FAT1: variants seen among roughly 807,000 people sequenced by gnomAD.
FAT1 encodes FAT atypical cadherin 1, also known as protocadherin Fat 1.
Under a neutral mutation model 329.8 loss-of-function variants are expected in FAT1, and 171 were observed. The observed-to-expected ratio is 0.52, with a 90% confidence interval of 0.46 to 0.59. FAT1 has a LOEUF of 0.59. Ranked by LOEUF, FAT1 falls within the 20% of genes least tolerant of loss-of-function variation. The probability of loss-of-function intolerance (pLI) is 0.00; values close to 1 mark genes in which losing one functional copy is unlikely to be tolerated. For missense variants in FAT1, 5,672 were observed against 5,774.4 expected, an observed-to-expected ratio of 0.98 and a Z score of 0.57; for synonymous variants, 2,233 against 2,228.6, an observed-to-expected ratio of 1.00 and a Z score of -0.06.
intron 1 of FAT1, among the ~76,000 whole-genome samples, chr4:186,710,736 T>C (rs1579494820): frequency 6.6e-6 from 1 of 152,136 alleles, no homozygotes; most frequent in Non-Finnish European, 1.5e-5. Flanking sequence ...GGCCCCTCCA[T>C]GAGAAGATGA....
intron 1 of FAT1, 106 bp from the exon 2 acceptor site, chr4:186,709,951 A>T: frequency 1.0e-6 from 1 of 998,554 alleles, no homozygotes; most frequent in South Asian, 1.9e-5. Flanking sequence ...ATACACATGG[A>T]ATATAAATAA....
chr4:186,718,172 G>A (rs1157204789), intron 1 of FAT1, among the ~76,000 whole-genome samples: 1 of 152,112 alleles, frequency 6.6e-6, no homozygotes, highest in Non-Finnish European at 1.5e-5. Flanking sequence ...GAAATCTTCA[G>A]GGAGAAAAGT....
chr4:186,604,941 A>G (rs116245480), intron 17 of FAT1, among the ~76,000 whole-genome samples: 4,286 of 151,868 alleles, frequency 0.028, 213 homozygotes, highest in African/African-American at 0.098. Flanking sequence ...AGACGAGGCC[A>G]GGCGCGGTGG....
At chr4:186,641,170 T>G (rs1560959170) in intron 3 of FAT1, among the ~76,000 whole-genome samples, 1 of 152,232 alleles carries the variant, frequency 6.6e-6, no homozygotes, top group Non-Finnish European at 1.5e-5. Flanking sequence ...ACTAAGAATC[T>G]AAATCAACAT....
At position 186,602,900 on chromosome 4, in the gene FAT1, C is replaced by T. The variant is rs746624578; in HGVS notation, c.11482+3G>A. On this transcript the variant is annotated splice_donor_region_variant and intron_variant, in intron 20 of 26. Coordinates refer to ENST00000441802, the MANE Select transcript of FAT1 (RefSeq NM_005245.4). ...AAAGTATACCCAACCATTCAACTCTCACCTGGGCACTGACCAAACCTGCCG... is the reference window on the plus strand; with the variant it reads ...AAAGTATACCCAACCATTCAACTCTTACCTGGGCACTGACCAAACCTGCCG... 1.9e-6 allele frequency: 3 copies of T among 1,612,348 alleles called. No homozygotes were observed. Among genetic ancestry groups the T allele is most frequent in the Admixed American group, 3.3e-5 (2 of 59,704 alleles).
At chr4:186,650,236 C>T (rs1293124413) in intron 3 of FAT1, among the ~76,000 whole-genome samples, 2 of 152,142 alleles carry the variant, frequency 1.3e-5, no homozygotes, top group Non-Finnish European at 2.9e-5. Flanking sequence ...CACAACTCAG[C>T]TAAGTCTTTT....
rs35670235 is a variant in FAT1, at chr4:186,603,371, C to T, written c.11155G>A (p.Val3719Met). 23,763 of 1,613,978 alleles carry T rather than the reference C, an allele frequency of 0.015. 239 individuals are homozygous for T. Among genetic ancestry groups the T allele is most frequent in the Non-Finnish European group, 0.018 (20,937 of 1,179,880 alleles). Reference sequence around the variant, plus strand: ...CCAATGATTTCCTCAATGTCAGTCACGGAAGAGTTAATCTTGTGCAGAAGT... The same window carrying T: ...CCAATGATTTCCTCAATGTCAGTCATGGAAGAGTTAATCTTGTGCAGAAGT... ...KQLLHKINSS[V>M]TDIEEIIGVR... Residue 3719 changes from valine (V) to methionine (M), a missense_variant, in exon 19 of 27, where the codon GTG becomes ATG. Val to Met is a conservative substitution (Grantham distance 21). This residue lies in a region of FAT1 where 1,706 missense variants were observed against 1,859.1 expected (regional missense o/e 0.92). Coordinates refer to ENST00000441802, the MANE Select transcript of FAT1 (RefSeq NM_005245.4).
intron 3 of FAT1, among the ~76,000 whole-genome samples, chr4:186,652,916 A>G (rs1387446077): frequency 6.6e-6 from 1 of 152,240 alleles, no homozygotes; most frequent in East Asian, 1.9e-4. Flanking sequence ...TTTAGGGATT[A>G]CCACACATAA....
In FAT1 at chr4:186,597,189, A is replaced by C. The variant is rs201891217; in HGVS notation, c.12369-18T>G. On this transcript the variant is annotated intron_variant, in intron 24 of 26. Transcript: ENST00000441802. ...TCTGACACCTGCCAAGGAAGTCAGG[A>C]ATGAGGAGAGACCTCTGTAGCATAC... 55 of 1,581,482 alleles carry C rather than the reference A, an allele frequency of 3.5e-5. No homozygotes were observed. The African/African-American group carries it at 7.1e-4, about 20-fold the overall frequency.
chr4:186,698,209 G>A (rs1250046768), intron 2 of FAT1, among the ~76,000 whole-genome samples: 1 of 152,198 alleles, frequency 6.6e-6, no homozygotes, highest in Non-Finnish European at 1.5e-5. Context: ...TGAGTTCATG[G>A]AGACGGACTG....
chr4:186,633,795 C>A lies in FAT1; in HGVS notation c.4212G>T (p.Val1404=). The A allele has an allele frequency of 1.2e-6, 2 of 1,613,906 alleles. No homozygotes were observed. Among genetic ancestry groups the A allele is most frequent in the African/African-American group, 1.3e-5 (1 of 75,018 alleles). The part of the protein sequence containing the change: ...TGGNYDSHFD[V]DKGTGTIIVA... ...CAATGATGGTTCCAGTTCCCTTGTC[C>A]ACATCGAAGTGACTGTCGTAGTTGC... The change falls in exon 7 of 27, where the codon GTG becomes GTT. Residue 1404 remains valine (V), a synonymous_variant. Transcript: ENST00000441802.
At position 186,618,949 on chromosome 4, in the gene FAT1, C is replaced by T. The variant is rs564516680; in HGVS notation, c.7637G>A (p.Gly2546Glu). Residue 2546 changes from glycine to glutamate, a missense_variant, in exon 10 of 27, where the codon GGA becomes GAA. This residue lies in a region of FAT1 where 3,966 missense variants were observed against 3,915.2 expected (regional missense o/e 1.01). Coordinates refer to ENST00000441802, the MANE Select transcript of FAT1 (RefSeq NM_005245.4). The part of the protein sequence containing the change: ...AKDRFYINER[G>E]QIFTLEKLDR... ...AAGTTTTTCCAAAGTAAATATCTGT[C>T]CTCTCTCATTTATGTAAAATCTGTC... 6.2e-7 allele frequency: 1 copy of T among 1,613,964 alleles called. No individual in the cohort carries two copies. Among genetic ancestry groups the T allele is most frequent in the South Asian group, 1.1e-5 (1 of 91,076 alleles).
chr4:186,612,213 A>AAACTTTTTTGATTTTGGATT (rs149831179), intron 13 of FAT1, among the ~76,000 whole-genome samples: 1 of 151,314 alleles, frequency 6.6e-6, no homozygotes, highest in African/African-American at 2.4e-5. Flanking sequence ...TTTAAAAGGT[A>AAACTTTTTTGATTTTGGATT]AACAACTTAC....
intron 1 of FAT1, among the ~76,000 whole-genome samples, chr4:186,721,049 T>A (rs1438608358): frequency 6.6e-6 from 1 of 152,222 alleles, no homozygotes; most frequent in Non-Finnish European, 1.5e-5. Context: ...GATCAGTGTC[T>A]GTGTTGCAGA....
In FAT1 at chr4:186,614,183, A is replaced by T. The variant is rs772353419; in HGVS notation, c.9229+8T>A. The T allele has an allele frequency of 5.7e-6, 9 of 1,590,860 alleles. No homozygotes were observed. The Admixed American group carries it at 1.5e-4, about 26-fold the overall frequency. On this transcript the variant is annotated splice_region_variant and intron_variant, in intron 12 of 26. Transcript: ENST00000441802. ...TACAATTTATTTTGTCCCAAACTCC[A>T]TCATTACCTGTGTCTGGATTTAGTT...
rs1346281548 is a variant in FAT1, at chr4:186,620,404, G to A, written c.6182C>T (p.Ala2061Val). ...GACCTTCACGACAACGTGGGCCACT[G>A]CAGAAGGCTTATGTTCCTCTGTCAC... ...VEVTEEHKPS[A>V]VAHVVVKVIV... Residue 2061 changes from alanine to valine, a missense_variant, in exon 10 of 27, where the codon GCA (alanine) becomes GTA (valine). This residue lies in a region of FAT1 where 3,966 missense variants were observed against 3,915.2 expected (regional missense o/e 1.01). Transcript: ENST00000441802. 6.2e-7 allele frequency: 1 copy of A among 1,614,026 alleles called. No homozygotes were observed. Among genetic ancestry groups the A allele is most frequent in the Non-Finnish European group, 8.5e-7 (1 of 1,179,900 alleles).
At chr4:186,694,903 A>G (rs1331630840) in intron 2 of FAT1, among the ~76,000 whole-genome samples, 2 of 152,242 alleles carry the variant, frequency 1.3e-5, no homozygotes, top group Admixed American at 1.3e-4. Flanking sequence ...CAGAGGTTGC[A>G]GGGAGCCAAG....
chr4:186,619,775 T>C lies in FAT1; in HGVS notation c.6811A>G (p.Ile2271Val), dbSNP rs2126509001. 2 of 1,614,044 alleles carry C rather than the reference T, an allele frequency of 1.2e-6. No homozygotes were observed. The highest frequency in any genetic ancestry group is 2.2e-5 in the South Asian group (2 of 91,084). The change falls in exon 10 of 27, where the codon ATC becomes GTC. Residue 2271 changes from isoleucine to valine, a missense_variant. Coordinates refer to ENST00000441802, the MANE Select transcript of FAT1 (RefSeq NM_005245.4). ...TGAHAEVFVD[I>V]IVDDINDNPP... ...TTATCATTGATGTCGTCTACTATGA[T>C]GTCCACAAATACTTCAGCATGAGCG...
chr4:186,716,718 G>A (rs769173102), intron 1 of FAT1, among the ~76,000 whole-genome samples: 6 of 152,104 alleles, frequency 3.9e-5, no homozygotes, highest in Admixed American at 6.5e-5. Flanking sequence ...GGGCCTGGCC[G>A]GCAAACACAT....
Sources: allele counts gnomAD v4.1 joint callset (sites outside exome capture counted in the v4.1 genomes callset), GRCh38; gene constraint gnomAD v4.1.1; regional missense constraint gnomAD v4.1.1; transcripts MANE v1.5; gene names NCBI Gene and HGNC (gene_info 2026-07-23, HGNC 2026-07-21).